The following SOS1 variants were observed in gnomAD, a reference collection of about 807,000 sequenced individuals.
SOS1 encodes SOS Ras/Rac guanine nucleotide exchange factor 1.
Under a neutral mutation model 157.6 loss-of-function variants are expected in SOS1, and 25 were observed. The observed-to-expected ratio is 0.16, with a 90% CI of 0.12 to 0.22. The LOEUF (loss-of-function observed/expected upper bound fraction) is 0.22, where lower values mean the gene tolerates loss of function less well. Ranked by LOEUF, SOS1 falls within the 10% of genes least tolerant of loss-of-function variation. SOS1 has a pLI of 1.00. For synonymous variants in SOS1, 528 were observed against 534.0 expected, an observed-to-expected ratio of 0.99 and a Z score of 0.16; for missense variants, 1,237 against 1,599.1, an observed-to-expected ratio of 0.77 and a Z score of 3.86.
At chr2:39,063,733 G>C (rs1202653656) in intron 2 of SOS1, among the ~76,000 whole-genome samples, 1 of 152,132 alleles carries the variant, frequency 6.6e-6, no homozygotes, top group Non-Finnish European at 1.5e-5. Flanking sequence ...ATCACTCTTA[G>C]ACATATCCCC....
At chr2:39,043,145 G>A (rs1177597713) in intron 6 of SOS1, among the ~76,000 whole-genome samples, 2 of 152,012 alleles carry the variant, frequency 1.3e-5, no homozygotes, top group African/African-American at 4.8e-5. Flanking sequence ...TCCTTTATTA[G>A]GTTAAGAAAG....
At chr2:39,034,542 A>C (rs986016798) in intron 8 of SOS1, among the ~76,000 whole-genome samples, 2 of 152,210 alleles carry the variant, frequency 1.3e-5, no homozygotes, top group African/African-American at 4.8e-5. Flanking sequence ...TATCACTTTG[A>C]GCTACACTAT....
intron 1 of SOS1, 98 bp from the exon 2 acceptor site, chr2:39,067,851 G>T: frequency 9.5e-7 from 1 of 1,054,942 alleles, no homozygotes; most frequent in Non-Finnish European, 1.5e-6. Flanking sequence ...GGGCACGGTG[G>T]CTCATGCCTG....
chr2:39,082,640 G>C (rs1672245901), intron 1 of SOS1: 1 of 152,200 alleles, frequency 6.6e-6, no homozygotes, highest in South Asian at 2.1e-4. Flanking sequence ...CAGAGATGAG[G>C]ATGGCTCCTG....
chr2:39,054,207 G>T (rs186894185), intron 5 of SOS1, among the ~76,000 whole-genome samples: 2 of 152,202 alleles, frequency 1.3e-5, no homozygotes, highest in African/African-American at 4.8e-5. Flanking sequence ...GATTACAGGC[G>T]TGAGCCACCG....
At chr2:39,039,391 T>C (rs1670476157) in intron 6 of SOS1, among the ~76,000 whole-genome samples, 1 of 152,266 alleles carries the variant, frequency 6.6e-6, no homozygotes, top group Non-Finnish European at 1.5e-5. Flanking sequence ...TATCGATTTA[T>C]ATACTTAGCA....
At chr2:39,042,992 G>T (rs1670626237) in intron 6 of SOS1, among the ~76,000 whole-genome samples, 1 of 152,006 alleles carries the variant, frequency 6.6e-6, no homozygotes, top group East Asian at 1.9e-4. Flanking sequence ...ACTTTGTCTT[G>T]TCTATTCCTT....
At chr2:39,007,417 T>C (rs748301607) in intron 15 of SOS1, 15 of 527,876 alleles carry the variant, frequency 2.8e-5, no homozygotes, top group Non-Finnish European at 4.7e-5. Context: ...AACAATCATT[T>C]TCCTACTATA....
At position 39,097,550 on chromosome 2, in the gene SOS1, C is replaced by CT. The variant is rs201688299; in HGVS notation, c.87+22785dup. On this transcript the variant is annotated intron_variant, in intron 1 of 22. Coordinates refer to ENST00000402219, the MANE Select transcript of SOS1 (RefSeq NM_005633.4). The stretch of plus-strand genomic sequence containing the variant: ...ACCACTGATCTAAAGCACAAGACCT[C>CT]TTTTTTTTCTTTTTTTTTTTTTATT... Among the ~76,000 whole-genome samples, 1,060 of 146,814 alleles carry CT rather than the reference C, an allele frequency of 7.2e-3. 6 individuals are homozygous for CT. The highest frequency in any genetic ancestry group is 0.014 in the Middle Eastern group (4 of 290).
At chr2:39,028,784 T>A (rs764417767) in intron 8 of SOS1, among the ~76,000 whole-genome samples, 12 of 152,128 alleles carry the variant, frequency 7.9e-5, no homozygotes, top group Non-Finnish European at 1.5e-4. Flanking sequence ...AAAATAAAGA[T>A]CTCCATTTAT....
At position 38,985,613 on chromosome 2, in the gene SOS1, T is replaced by C; in HGVS notation, c.*211A>G. 3.5e-6 allele frequency: 2 copies of C among 573,378 alleles called. No homozygotes were observed. Among genetic ancestry groups the C allele is most frequent in the Non-Finnish European group, 6.1e-6 (2 of 326,220 alleles). 35.5% of individuals were successfully genotyped at this position (573,378 alleles called of 1,614,324 possible). On this transcript the variant is annotated 3_prime_UTR_variant, in exon 23 of 23. Coordinates refer to ENST00000402219, the MANE Select transcript of SOS1 (RefSeq NM_005633.4). ...GGTGCAATCAGTTGTCCAATTCCTC[T>C]AGGTCGGTCTTTCCATATTCTAAAC... is the stretch of plus-strand genomic sequence containing the variant.
chr2:39,051,663 T>A (rs541067820), intron 5 of SOS1, among the ~76,000 whole-genome samples: 1 of 152,304 alleles, frequency 6.6e-6, no homozygotes, highest in Non-Finnish European at 1.5e-5. Context: ...ACCCATTATG[T>A]GTTTAACATA....
At chr2:39,024,876 A>C (rs1669906396) in intron 8 of SOS1, among the ~76,000 whole-genome samples, 1 of 152,232 alleles carries the variant, frequency 6.6e-6, no homozygotes, top group Non-Finnish European at 1.5e-5. Context: ...TAAGATTTTG[A>C]GTGAAGCTAT....
In SOS1 at chr2:38,995,438, G is replaced by C. The variant is rs1254998758; in HGVS notation, c.3082-51C>G. The stretch of plus-strand genomic sequence containing the variant: ...ATACTTTAAACACTGTAGTAGAAAG[G>C]AAAGTTTTTCTATATGTGCCTGGTA... On this transcript the variant is annotated intron_variant, in intron 19 of 22. Transcript: ENST00000402219. 4.7e-6 allele frequency: 7 copies of C among 1,502,668 alleles called. No individual in the cohort carries two copies. The African/African-American group carries it at 5.5e-5, about 12-fold the overall frequency. 93.1% of individuals were successfully genotyped at this position (1,502,668 alleles called of 1,614,324 possible).
In SOS1 at chr2:38,989,330, AG is replaced by A. The variant is rs764286036; in HGVS notation, c.3347-17del. On this transcript the variant is annotated splice_polypyrimidine_tract_variant and intron_variant, in intron 20 of 22. Coordinates refer to ENST00000402219, the MANE Select transcript of SOS1 (RefSeq NM_005633.4). ...GTATCATTGCCTGTGAAAGGAAACA[AG>A]AAAAAGTAGATTTTTTTCTTTCATT... is the stretch of plus-strand genomic sequence containing the variant. 5 of 1,586,230 alleles carry A rather than the reference AG, an allele frequency of 3.2e-6. No individual in the cohort carries two copies. The highest frequency in any genetic ancestry group is 2.6e-6 in the Non-Finnish European group (3 of 1,155,094).
In SOS1 at chr2:38,989,319, GA is replaced by G; in HGVS notation, c.3347-6del. ...GGATAAAGACGGTATCATTGCCTGT[GA>G]AAGGAAACAAGAAAAAGTAGATTTT... On this transcript the variant is annotated splice_polypyrimidine_tract_variant and splice_region_variant and intron_variant, in intron 20 of 22. Coordinates refer to ENST00000402219, the MANE Select transcript of SOS1 (RefSeq NM_005633.4). 6.3e-7 allele frequency: 1 copy of G among 1,598,068 alleles called. No individual in the cohort carries two copies. The highest frequency in any genetic ancestry group is 8.6e-7 in the Non-Finnish European group (1 of 1,165,844).
intron 1 of SOS1, among the ~76,000 whole-genome samples, chr2:39,088,358 A>C (rs934702770): frequency 1.3e-5 from 2 of 150,732 alleles, no homozygotes; most frequent in African/African-American, 4.9e-5. Flanking sequence ...CACAAAATTT[A>C]CCATTTAACC....
At chr2:39,064,372 T>C (rs2148134495) in intron 2 of SOS1, among the ~76,000 whole-genome samples, 1 of 152,332 alleles carries the variant, frequency 6.6e-6, no homozygotes, top group South Asian at 2.1e-4. Flanking sequence ...TCAACATGAA[T>C]TTGGGAGGGG....
At chr2:39,099,337 A>T (rs1672884441) in intron 1 of SOS1, among the ~76,000 whole-genome samples, 1 of 152,244 alleles carries the variant, frequency 6.6e-6, no homozygotes, top group Non-Finnish European at 1.5e-5. Flanking sequence ...AAGTGAAAAA[A>T]GGCAGTCATG....
Sources: gnomAD v4.1 joint callset for allele counts (sites outside exome capture counted in the v4.1 genomes callset) on GRCh38, gnomAD v4.1.1 for gene constraint, MANE v1.5 for transcripts, NCBI Gene and HGNC (gene_info 2026-07-23, HGNC 2026-07-21) for gene names.